Variants in FOXN3 observed in about 807,000 individuals in gnomAD.
FOXN3 encodes the protein forkhead box N3.
A neutral mutation model predicts 38.4 loss-of-function variants in FOXN3; 7 were observed. The ratio of observed to expected loss-of-function variants is 0.18; its 90% CI spans 0.10 to 0.34. The LOEUF is 0.34. Among genes scored for constraint, FOXN3 ranks in the 10% least tolerant of loss-of-function variants. The pLI is 1.00. For synonymous variants in FOXN3, 230 were observed against 242.2 expected (o/e 0.95, Z 0.47); for missense variants, 456 against 613.4 (o/e 0.74, Z 2.71).
chr14:89,598,572 G>A (rs984113943), intron 1 of FOXN3, among the ~76,000 whole-genome samples: 7 of 152,120 alleles, frequency 4.6e-5, no homozygotes, highest in South Asian at 2.1e-4. Flanking sequence ...GGCATGAGCC[G>A]CCATGCTCAG....
Position 89,162,591 on chromosome 14 carries a change from G to A in FOXN3, c.1230C>T (p.Ser410=), listed in dbSNP as rs750746582. 11 of 1,613,802 alleles carry A rather than the reference G, an allele frequency of 6.8e-6. No homozygotes were observed. The highest frequency in any genetic ancestry group is 1.3e-5 in the African/African-American group (1 of 74,836). Residue 410 remains serine, a synonymous_variant, in exon 6 of 6, where the codon AGC becomes AGT. Transcript: ENST00000557258. The surrounding 1 kb of genome is among the most constrained non-coding windows in gnomAD (Gnocchi z 7.2). The part of the protein sequence containing the change: ...QHFAKARKVP[S]DTLPLKKRRT... ...GTCTCTTTTTGAGGGGCAGTGTGTC[G>A]CTGGGGACCTTCCTGGCCTTGGCGA...
intron 1 of FOXN3, among the ~76,000 whole-genome samples, chr14:89,562,865 G>A (rs1392631360): frequency 6.6e-6 from 1 of 152,156 alleles, no homozygotes; most frequent in Non-Finnish European, 1.5e-5. Context: ...AACTAATTTA[G>A]GTTTAGAGCC....
intron 3 of FOXN3, among the ~76,000 whole-genome samples, chr14:89,329,890 A>AATT (rs1888194877): frequency 7.0e-6 from 1 of 142,904 alleles, no homozygotes; most frequent in African/African-American, 2.6e-5. Flanking sequence ...AAAAAAAAGA[A>AATT]TTATCTGGCC....
chr14:89,450,650 A>G (rs146962151), intron 1 of FOXN3, among the ~76,000 whole-genome samples: 5,267 of 151,504 alleles, frequency 0.035, 303 homozygotes, highest in African/African-American at 0.12. Flanking sequence ...CAGTGGCACA[A>G]TCTCGGCTCA....
At chr14:89,241,930 C>T (rs148636907) in intron 4 of FOXN3, among the ~76,000 whole-genome samples, 49 of 152,320 alleles carry the variant, frequency 3.2e-4, no homozygotes, top group Non-Finnish European at 6.0e-4. Flanking sequence ...CCCCTGGCTA[C>T]CACGTTTTTT....
intron 1 of FOXN3, among the ~76,000 whole-genome samples, chr14:89,499,774 G>A (rs1322529863): frequency 2.0e-5 from 3 of 152,154 alleles, no homozygotes; most frequent in Non-Finnish European, 4.4e-5. Context: ...TGTGCAAACT[G>A]CTTCTCACAT....
At chr14:89,390,422 C>T (rs1890911357) in intron 2 of FOXN3, among the ~76,000 whole-genome samples, 1 of 143,078 alleles carries the variant, frequency 7.0e-6, no homozygotes. Flanking sequence ...AATGATAAAG[C>T]AGTGAAATCC....
chr14:89,296,937 G>T (rs1395857576), intron 3 of FOXN3, among the ~76,000 whole-genome samples: 4 of 152,030 alleles, frequency 2.6e-5, no homozygotes, highest in African/African-American at 9.7e-5. Flanking sequence ...GCATCCAGCC[G>T]AAACTCAACA....
intron 1 of FOXN3, among the ~76,000 whole-genome samples, chr14:89,532,477 T>A (rs1894589799): frequency 6.6e-6 from 1 of 152,182 alleles, no homozygotes; most frequent in Non-Finnish European, 1.5e-5. Context: ...CCATATTTTT[T>A]AAAACCCTCT....
chr14:89,398,168 C>A (rs1221443589), intron 2 of FOXN3, among the ~76,000 whole-genome samples: 1 of 152,182 alleles, frequency 6.6e-6, no homozygotes, highest in African/African-American at 2.4e-5. Context: ...CACTCTGTAG[C>A]CTTCCTGGTC....
intron 2 of FOXN3, among the ~76,000 whole-genome samples, chr14:89,389,390 T>C (rs2110706): frequency 0.84 from 127,655 of 152,172 alleles, 53,581 homozygotes; most frequent in South Asian, 0.91. Context: ...CAGCATTTCA[T>C]GAACACCCTT....
intron 4 of FOXN3, among the ~76,000 whole-genome samples, chr14:89,267,231 C>A (rs905175383): frequency 6.6e-6 from 1 of 152,170 alleles, no homozygotes; most frequent in African/African-American, 2.4e-5. Context: ...CAATTTAAAT[C>A]TTACATTTAA....
chr14:89,363,051 A>G (rs1298621690), intron 2 of FOXN3, among the ~76,000 whole-genome samples: 3 of 152,134 alleles, frequency 2.0e-5, no homozygotes, highest in Admixed American at 6.5e-5. Context: ...AAAGGATTAC[A>G]CAAGCTGGCC....
At position 89,412,551 on chromosome 14, in the gene FOXN3, G is replaced by A. The variant is rs1259302233; in HGVS notation, c.-14-61C>T. On this transcript the variant is annotated intron_variant, in intron 1 of 5. Transcript: ENST00000557258. This position sits in a 1 kb window ranked among gnomAD's most constrained non-coding sequence, Gnocchi z 4.7. ...GAGGCCCAAAACAGAAAGGCAGACTGTACCCCTCTGATCCTGTTGCCTCCC... is the reference window on the plus strand; with the variant it reads ...GAGGCCCAAAACAGAAAGGCAGACTATACCCCTCTGATCCTGTTGCCTCCC... The A allele has an allele frequency of 1.3e-5, 19 of 1,412,252 alleles. No individual in the cohort carries two copies. The highest frequency in any genetic ancestry group is 1.6e-5 in the Non-Finnish European group (17 of 1,040,748). 87.5% of individuals were successfully genotyped at this position (1,412,252 alleles called of 1,614,324 possible).
At chr14:89,586,759 T>C (rs1387518577) in intron 1 of FOXN3, among the ~76,000 whole-genome samples, 3 of 152,228 alleles carry the variant, frequency 2.0e-5, no homozygotes, top group Non-Finnish European at 4.4e-5. Context: ...ACCATTTCAC[T>C]AGTGTGCCTC....
intron 4 of FOXN3, among the ~76,000 whole-genome samples, chr14:89,225,024 G>T (rs993528155): frequency 1.3e-5 from 2 of 151,778 alleles, no homozygotes. Flanking sequence ...AGCTACTAGG[G>T]AGGCTGAGAC....
intron 1 of FOXN3, among the ~76,000 whole-genome samples, chr14:89,489,309 G>T (rs186299958): frequency 1.8e-4 from 27 of 152,308 alleles, no homozygotes; most frequent in African/African-American, 6.3e-4. Flanking sequence ...ATACTATATA[G>T]AGGTATAGAA....
In FOXN3 at chr14:89,161,073, T is replaced by G. The variant is rs1887085938; in HGVS notation, c.*1341A>C. On this transcript the variant is annotated 3_prime_UTR_variant, in exon 6 of 6. Coordinates refer to ENST00000557258, the MANE Select transcript of FOXN3 (RefSeq NM_005197.4). ...CATGCTTCATGCTAAATACATTATT[T>G]ACCTTACAAGAACTTTGTTACTTTT... is the stretch of plus-strand genomic sequence containing the variant. 6.6e-6 allele frequency: 1 copy of G among 152,430 alleles called. No individual in the cohort carries two copies. The highest frequency in any genetic ancestry group is 2.4e-5 in the African/African-American group (1 of 41,454). 9.4% of individuals were successfully genotyped at this position (152,430 alleles called of 1,614,324 possible).
intron 4 of FOXN3, among the ~76,000 whole-genome samples, chr14:89,232,512 G>A (rs778563887): frequency 1.6e-4 from 24 of 152,202 alleles, no homozygotes; most frequent in Non-Finnish European, 2.4e-4. Flanking sequence ...CAAAGGTCCT[G>A]ATGCAGCTTT....
Sources: allele counts gnomAD v4.1 joint callset (sites outside exome capture counted in the v4.1 genomes callset), GRCh38; gene constraint gnomAD v4.1.1; non-coding constraint Gnocchi (gnomAD v3.1); transcripts MANE v1.5; gene names NCBI Gene and HGNC (gene_info 2026-07-23, HGNC 2026-07-21).